RGMA: variants seen among roughly 807,000 people sequenced by gnomAD.
The protein encoded by RGMA is repulsive guidance molecule BMP co-receptor a, also known as repulsive guidance molecule A.
In RGMA, 10 loss-of-function variants were observed where a neutral mutation model predicts 23.2. The observed-to-expected ratio is 0.43, with a 90% CI of 0.27 to 0.73. RGMA has a LOEUF of 0.73. Among genes scored for constraint, RGMA ranks in the 30% least tolerant of loss-of-function variants. The probability of loss-of-function intolerance (pLI) is 0.20; values close to 1 mark genes in which losing one functional copy is unlikely to be tolerated. For missense variants in RGMA, 547 were observed against 630.5 expected, an observed-to-expected ratio of 0.87 and a Z score of 1.42; for synonymous variants, 308 against 279.3, an observed-to-expected ratio of 1.10 and a Z score of -1.03.
In RGMA at chr15:93,089,150, A is replaced by G. The variant is rs1448811411; in HGVS notation, c.-218T>C. 8 of 321,744 alleles carry G rather than the reference A, an allele frequency of 2.5e-5. No individual in the cohort carries two copies. The highest frequency in any genetic ancestry group is 3.9e-5 in the Non-Finnish European group (7 of 177,446). The allele number at this position is 321,744 out of a possible 1,614,324, so 19.9% of individuals were successfully genotyped here. A position where few individuals can be genotyped will look rare whatever the true frequency, so the allele number is the denominator to read the frequency against. ...GGAGCCGGCCCGGGAGCGAACGGCC[A>G]GTGCTTCCCCGGCCCAGCGGCTCGG... On this transcript the variant is annotated 5_prime_UTR_variant, in exon 1 of 4. Transcript: ENST00000329082.
intron 2 of RGMA, among the ~76,000 whole-genome samples, chr15:93,070,613 A>G (rs1464695662): frequency 6.6e-6 from 1 of 152,208 alleles, no homozygotes; most frequent in Admixed American, 6.5e-5. Context: ...CTTTTGACCC[A>G]CATTTCTAGA....
At position 93,040,775 on chromosome 15, in the gene RGMA, T is replaced by G. The variant is rs2054714177; in HGVS notation, c.*4223A>C. On this transcript the variant is annotated 3_prime_UTR_variant, in exon 4 of 4. Transcript: ENST00000329082. ...TGAACAATGCTGGGTAGACACCCAATAGAGTTATCAAATGGATAAATAAAT... is the reference window on the plus strand; with the variant it reads ...TGAACAATGCTGGGTAGACACCCAAGAGAGTTATCAAATGGATAAATAAAT... 6.6e-6 allele frequency: 1 copy of G among 152,038 alleles called. No individual in the cohort carries two copies. The highest frequency in any genetic ancestry group is 2.4e-5 in the African/African-American group (1 of 41,382). 9.4% of individuals were successfully genotyped at this position (152,038 alleles called of 1,614,324 possible).
rs936927777 is a variant in RGMA, at chr15:93,037,325, G to C, written c.*7673C>G. 1 of 152,300 alleles carries C rather than the reference G, an allele frequency of 6.6e-6. No individual in the cohort carries two copies. The allele number at this position is 152,300 out of a possible 1,614,324, so 9.4% of individuals were successfully genotyped here. On this transcript the variant is annotated 3_prime_UTR_variant, in exon 4 of 4. Coordinates refer to ENST00000329082, the MANE Select transcript of RGMA (RefSeq NM_020211.3). The surrounding 1 kb of genome is among the most constrained non-coding windows in gnomAD (Gnocchi z 4.3). ...TGGATCGGGTCTGGTTCTGGAGCCC[G>C]GGCCCTTCCTTCGGTCTGGGTGTGT...
At chr15:93,052,547 TG>T (rs1220920727) in intron 2 of RGMA, 40 bp from the exon 3 acceptor site, 1 of 1,512,606 alleles carries the variant, frequency 6.6e-7, no homozygotes. Context: ...GGGTGCAGCC[TG>T]GCAACCCCAG....
chr15:93,046,363 C>T (rs2054824566), intron 3 of RGMA, among the ~76,000 whole-genome samples: 1 of 152,168 alleles, frequency 6.6e-6, no homozygotes, highest in Admixed American at 6.5e-5. Flanking sequence ...TGGATTCTCC[C>T]CTGGAGTCTC....
At chr15:93,067,419 T>C (rs762256497) in intron 2 of RGMA, among the ~76,000 whole-genome samples, 9 of 152,122 alleles carry the variant, frequency 5.9e-5, no homozygotes, top group Non-Finnish European at 1.2e-4. Context: ...GAAGGGCATA[T>C]AGAAACAGAA....
intron 3 of RGMA, among the ~76,000 whole-genome samples, chr15:93,050,172 T>G (rs1196167455): frequency 6.6e-6 from 1 of 152,124 alleles, no homozygotes; most frequent in African/African-American, 2.4e-5. Flanking sequence ...TGGTCTTTGC[T>G]CTTCACTAGC....
At chr15:93,088,627 A>C in intron 1 of RGMA, 1 of 1,016,762 alleles carries the variant, frequency 9.8e-7, no homozygotes, top group East Asian at 4.7e-5. Flanking sequence ...AGGAGCTCCC[A>C]GCCCGCACAC....
At chr15:93,083,496 T>A (rs979222069) in intron 1 of RGMA, among the ~76,000 whole-genome samples, 1 of 152,008 alleles carries the variant, frequency 6.6e-6, no homozygotes, top group Non-Finnish European at 1.5e-5. Flanking sequence ...CCCGGCTAAT[T>A]TTTGTATTTT....
intron 1 of RGMA, chr15:93,073,715 G>GC (rs1367598309): frequency 1.3e-6 from 2 of 1,537,038 alleles, no homozygotes; most frequent in African/African-American, 2.7e-5. Context: ...AGCTACTAAC[G>GC]CACCTCGAGG....
intron 2 of RGMA, among the ~76,000 whole-genome samples, chr15:93,055,618 CCT>C (rs1490573232): frequency 6.6e-6 from 1 of 152,188 alleles, no homozygotes; most frequent in Non-Finnish European, 1.5e-5. Context: ...CACCCGATTC[CCT>C]CCCCCACGGG....
chr15:93,061,442 G>A (rs187359924), intron 2 of RGMA, among the ~76,000 whole-genome samples: 9 of 152,292 alleles, frequency 5.9e-5, no homozygotes, highest in African/African-American at 1.9e-4. Flanking sequence ...GAGCCACCAC[G>A]CCTGGCCCCT....
intron 2 of RGMA, among the ~76,000 whole-genome samples, chr15:93,060,343 G>A (rs1356251883): frequency 1.3e-5 from 2 of 152,194 alleles, no homozygotes; most frequent in African/African-American, 4.8e-5. Context: ...GTCTCTTGAG[G>A]CCTTGAATTT....
Position 93,045,181 on chromosome 15 carries a change from G to A in RGMA, c.1170C>T (p.Phe390=), listed in dbSNP as rs751385459. 9 of 1,609,444 alleles carry A rather than the reference G, an allele frequency of 5.6e-6. No homozygotes were observed. Among genetic ancestry groups the A allele is most frequent in the Middle Eastern group, 1.7e-4 (1 of 6,060 alleles). ...CCAACGCGTAGTAGGCGGCCAGTGT[G>A]AAGTTCACGTCGCCCGTGGTGAGGA... ...FDLLTTGDVN[F]TLAAYYALED... The change falls in exon 4 of 4, where the codon TTC becomes TTT. Residue 390 remains phenylalanine, a synonymous_variant. Transcript: ENST00000329082. This position sits in a 1 kb window ranked among gnomAD's most constrained non-coding sequence, Gnocchi z 6.9.
At chr15:93,052,837 T>C (rs2054950396) in intron 2 of RGMA, among the ~76,000 whole-genome samples, 1 of 152,188 alleles carries the variant, frequency 6.6e-6, no homozygotes, top group South Asian at 2.1e-4. Context: ...GCCGCTGACA[T>C]CTATATACAC....
At chr15:93,063,627 C>T (rs1017123221) in intron 2 of RGMA, among the ~76,000 whole-genome samples, 4 of 152,218 alleles carry the variant, frequency 2.6e-5, no homozygotes, top group African/African-American at 7.2e-5. Context: ...GTGCAGCAGA[C>T]CCTACCTTTA....
chr15:93,073,295 G>A (rs1895401665), intron 1 of RGMA: 1 of 734,246 alleles, frequency 1.4e-6, no homozygotes, highest in Non-Finnish European at 1.8e-6. Flanking sequence ...AGGCCGGCGA[G>A]GTAGCCGGAG....
At chr15:93,072,345 A>G (rs1596103047) in intron 2 of RGMA, among the ~76,000 whole-genome samples, 1 of 152,126 alleles carries the variant, frequency 6.6e-6, no homozygotes, top group African/African-American at 2.4e-5. Context: ...AAAAACAAAC[A>G]GGGGGCGACG....
chr15:93,082,480 G>A (rs1054629528), intron 1 of RGMA, among the ~76,000 whole-genome samples: 13 of 152,308 alleles, frequency 8.5e-5, no homozygotes, highest in Middle Eastern at 3.4e-3. Context: ...ACAAGCAGCC[G>A]TGCAGAGGCT....
Sources: gnomAD v4.1 joint callset for allele counts (sites outside exome capture counted in the v4.1 genomes callset) on GRCh38, gnomAD v4.1.1 for gene constraint, Gnocchi (gnomAD v3.1) non-coding constraint, MANE v1.5 for transcripts, NCBI Gene and HGNC (gene_info 2026-07-23, HGNC 2026-07-21) for gene names.